The following RAB11FIP2 variants were observed in gnomAD, a reference collection of about 807,000 sequenced individuals.
RAB11FIP2 encodes the protein RAB11 family interacting protein 2.
In RAB11FIP2, 16 loss-of-function variants were observed where a neutral mutation model predicts 40.9. That is an observed-to-expected ratio of 0.39 (90% CI 0.26 to 0.59). The LOEUF is 0.59. RAB11FIP2 is among the 20% of genes least tolerant of loss of function. The probability of loss-of-function intolerance (pLI) is 0.53; values close to 1 mark genes in which losing one functional copy is unlikely to be tolerated. For missense variants in RAB11FIP2, 532 were observed against 606.2 expected (o/e 0.88, Z 1.28); for synonymous variants, 228 against 213.7 (o/e 1.07, Z -0.58).
Position 118,005,223 on chromosome 10 carries a change from A to T in RAB11FIP2, c.*3775T>A, listed in dbSNP as rs190488407. ...CCATCTGGAAGCTTCGAAGACTAAC[A>T]GGCCCACATGTATCATGTATTAGAC... On this transcript the variant is annotated 3_prime_UTR_variant, in exon 5 of 5. Coordinates refer to ENST00000355624, the MANE Select transcript of RAB11FIP2 (RefSeq NM_014904.3). The T allele has an allele frequency of 8.2e-4, 126 of 152,784 alleles. 1 individual carries two copies. The highest frequency in any genetic ancestry group is 2.9e-3 in the African/African-American group (121 of 41,584). 9.5% of individuals were successfully genotyped at this position (152,784 alleles called of 1,614,324 possible). A position where few individuals can be genotyped will look rare whatever the true frequency, so the allele number is the denominator to read the frequency against.
intron 4 of RAB11FIP2, among the ~76,000 whole-genome samples, chr10:118,010,113 A>G (rs1214909042): frequency 6.6e-6 from 1 of 152,140 alleles, no homozygotes; most frequent in Non-Finnish European, 1.5e-5. Flanking sequence ...TGAAAGAAAA[A>G]TATTTCTCAG....
Position 118,040,223 on chromosome 10 carries a change from A to C in RAB11FIP2, c.696T>G (p.Ser232=), listed in dbSNP as rs769606914. The change falls in exon 2 of 5, where the codon TCT becomes TCG. Residue 232 remains serine, a synonymous_variant. Transcript: ENST00000355624. ...GTTTCTCAGAAGACATATGGGACCC[A>C]GATAAATCAGACATTGAATGCGCTG... The part of the protein sequence containing the change: ...LSSAHSMSDL[S]GSHMSSEKLK... 8.7e-6 allele frequency: 14 copies of C among 1,613,876 alleles called. No individual in the cohort carries two copies. Among genetic ancestry groups the C allele is most frequent in the Non-Finnish European group, 1.2e-5 (14 of 1,179,804 alleles).
chr10:118,031,083 C>G (rs973067056), intron 3 of RAB11FIP2, among the ~76,000 whole-genome samples: 1 of 152,036 alleles, frequency 6.6e-6, no homozygotes, highest in Non-Finnish European at 1.5e-5. Flanking sequence ...ATAAATGAAG[C>G]CACAAATTTT....
chr10:118,014,217 T>C (rs1167928797), intron 4 of RAB11FIP2, among the ~76,000 whole-genome samples: 1 of 152,064 alleles, frequency 6.6e-6, no homozygotes, highest in Non-Finnish European at 1.5e-5. Flanking sequence ...AATAGTGATA[T>C]GTGATATGGG....
At chr10:118,010,841 T>A (rs764183472) in intron 4 of RAB11FIP2, among the ~76,000 whole-genome samples, 2 of 152,004 alleles carry the variant, frequency 1.3e-5, no homozygotes, top group Admixed American at 6.6e-5. Flanking sequence ...CAAGGCATAG[T>A]GGCCAACAGG....
intron 4 of RAB11FIP2, among the ~76,000 whole-genome samples, chr10:118,013,850 A>C (rs1391906703): frequency 6.6e-6 from 1 of 152,156 alleles, no homozygotes; most frequent in Non-Finnish European, 1.5e-5. Context: ...CAAGCAATCG[A>C]AATTGTAATT....
chr10:118,022,279 G>A (rs568378573), intron 3 of RAB11FIP2, among the ~76,000 whole-genome samples: 8 of 152,230 alleles, frequency 5.3e-5, no homozygotes, highest in African/African-American at 1.9e-4. Flanking sequence ...ACTGTCTTCT[G>A]CTGACACTAC....
At chr10:118,032,779 G>A (rs1210217493) in intron 3 of RAB11FIP2, among the ~76,000 whole-genome samples, 2 of 152,038 alleles carry the variant, frequency 1.3e-5, no homozygotes, top group Non-Finnish European at 2.9e-5. Context: ...TAGGCCATCC[G>A]ATTCTGTACT....
intron 3 of RAB11FIP2, 76 bp from the exon 4 acceptor site, chr10:118,015,186 C>T: frequency 8.1e-7 from 1 of 1,241,594 alleles, no homozygotes; most frequent in Non-Finnish European, 1.1e-6. Flanking sequence ...AAATTTTAAC[C>T]AACATTGTAA....
At chr10:118,035,428 G>A (rs141703455) in intron 3 of RAB11FIP2, among the ~76,000 whole-genome samples, 15 of 152,050 alleles carry the variant, frequency 9.9e-5, no homozygotes, top group Middle Eastern at 3.4e-3. Context: ...GCATACATAC[G>A]GCTTTATGGA....
chr10:118,039,180 T>C lies in RAB11FIP2; in HGVS notation c.1057A>G (p.Lys353Glu), dbSNP rs1302808802. ...TCAAACAGGCTAACTTTCTCCCTTT[T>C]CTCTCTTTTATTTTCTTTTCTTATT... The part of the protein sequence containing the change: ...IEIRKENKRE[K>E]REKVSLFERV... Residue 353 changes from lysine to glutamate, a missense_variant, in exon 3 of 5, where the codon AAA becomes GAA. Physicochemically the swap from Lys to Glu is moderately conservative, Grantham distance 56 (BLOSUM62 1). Transcript: ENST00000355624. 1 of 1,613,720 alleles carries C rather than the reference T, an allele frequency of 6.2e-7. No homozygotes were observed. The highest frequency in any genetic ancestry group is 1.7e-5 in the Admixed American group (1 of 59,964).
At position 118,039,330 on chromosome 10, in the gene RAB11FIP2, G is replaced by A. The variant is rs753255299; in HGVS notation, c.907C>T (p.Pro303Ser). ...AATGAAGCAGTCACATTTGTAAATG[G>A]GTCATTTTGTCTTCCGAAACACAAT... ...GELCFGRQND[P>S]FTNVTASLPQ... The change falls in exon 3 of 5, where the codon CCA (proline) becomes TCA (serine). Residue 303 changes from proline to serine, a missense_variant. Pro to Ser is a moderately conservative substitution (Grantham distance 74, BLOSUM62 -1). Coordinates refer to ENST00000355624, the MANE Select transcript of RAB11FIP2 (RefSeq NM_014904.3). 1.9e-6 allele frequency: 3 copies of A among 1,613,504 alleles called. No individual in the cohort carries two copies. In the Admixed American group the frequency reaches 5.0e-5, roughly 27 times the overall value.
chr10:118,030,835 G>A (rs1330255627), intron 3 of RAB11FIP2, among the ~76,000 whole-genome samples: 1 of 152,074 alleles, frequency 6.6e-6, no homozygotes, highest in African/African-American at 2.4e-5. Flanking sequence ...AACCCACTGG[G>A]AGATACACCA....
At position 118,046,379 on chromosome 10, in the gene RAB11FIP2, A is replaced by G; in HGVS notation, c.-216T>C. On this transcript the variant is annotated 5_prime_UTR_variant, in exon 1 of 5. Transcript: ENST00000355624. ...GGTCCCCTTTCGTCTGGAGAAACAC[A>G]GAGGCCCACCATCACCTGGCCGCGC... 1.8e-6 allele frequency: 1 copy of G among 567,042 alleles called. No individual in the cohort carries two copies. The highest frequency in any genetic ancestry group is 4.7e-4 in the Middle Eastern group (1 of 2,130). 35.1% of individuals were successfully genotyped at this position (567,042 alleles called of 1,614,324 possible). A position where few individuals can be genotyped will look rare whatever the true frequency, so the allele number is the denominator to read the frequency against.
chr10:118,045,981 C>T lies in RAB11FIP2; in HGVS notation c.183G>A (p.Lys61=). ...CAGGTAGCTCGAAAGAGGCCTCCTC[C>T]TTCCAAACTGGCTCAAGGGTTTTCT... ...VAEKTLEPVW[K]EEASFELPGL... Residue 61 remains lysine, a synonymous_variant, in exon 1 of 5, where the codon AAG becomes AAA. Coordinates refer to ENST00000355624, the MANE Select transcript of RAB11FIP2 (RefSeq NM_014904.3). The T allele has an allele frequency of 1.2e-6, 2 of 1,614,230 alleles. No individual in the cohort carries two copies. The highest frequency in any genetic ancestry group is 1.7e-6 in the Non-Finnish European group (2 of 1,180,042).
intron 3 of RAB11FIP2, among the ~76,000 whole-genome samples, chr10:118,038,353 C>CA (rs977211703): frequency 3.3e-5 from 5 of 151,694 alleles, no homozygotes; most frequent in Non-Finnish European, 5.9e-5. Context: ...ACTGAAAACT[C>CA]AAAGTTGGAA....
chr10:118,044,117 T>C (rs949541550), intron 1 of RAB11FIP2, among the ~76,000 whole-genome samples: 1 of 152,220 alleles, frequency 6.6e-6, no homozygotes, highest in African/African-American at 2.4e-5. Flanking sequence ...TATTAGAGTA[T>C]TGCTCACACC....
In RAB11FIP2 at chr10:118,008,926, A is replaced by C; in HGVS notation, c.*72T>G. 1 of 1,236,834 alleles carries C rather than the reference A, an allele frequency of 8.1e-7. No homozygotes were observed. Among genetic ancestry groups the C allele is most frequent in the Non-Finnish European group, 1.2e-6 (1 of 856,988 alleles). 76.6% of individuals were successfully genotyped at this position (1,236,834 alleles called of 1,614,324 possible). A position where few individuals can be genotyped will look rare whatever the true frequency, so the allele number is the denominator to read the frequency against. ...CCTGATAGTGTAGTCTCTTTCAGTA[A>C]CAAGTTTTTCCTTCCTTCCTTCTTT... On this transcript the variant is annotated 3_prime_UTR_variant, in exon 5 of 5. Coordinates refer to ENST00000355624, the MANE Select transcript of RAB11FIP2 (RefSeq NM_014904.3).
intron 3 of RAB11FIP2, among the ~76,000 whole-genome samples, chr10:118,033,311 T>A (rs901860175): frequency 1.3e-5 from 2 of 150,782 alleles, no homozygotes; most frequent in African/African-American, 4.9e-5. Context: ...AAATTGTAGC[T>A]AAAAAAAAAT....
Sources: gnomAD v4.1 joint callset for allele counts (sites outside exome capture counted in the v4.1 genomes callset) on GRCh38, gnomAD v4.1.1 for gene constraint, MANE v1.5 for transcripts, NCBI Gene and HGNC (gene_info 2026-07-23, HGNC 2026-07-21) for gene names.